CSMD1: variants seen among roughly 807,000 people sequenced by gnomAD.
CSMD1 encodes CUB and sushi domain-containing protein 1.
CSMD1 carries 213 observed loss-of-function variants against 417.5 expected under a neutral mutation model. The ratio of observed to expected loss-of-function variants is 0.51; its 90% CI spans 0.46 to 0.57. The LOEUF is 0.57. Among genes scored for constraint, CSMD1 ranks in the 20% least tolerant of loss-of-function variants. CSMD1 has a pLI of 0.00. For synonymous variants in CSMD1, 2,862 were observed against 1,736.8 expected (o/e 1.65, Z -16.11); for missense variants, 6,923 against 4,529.7 (o/e 1.53, Z -15.17).
intron 1 of CSMD1, among the ~76,000 whole-genome samples, chr8:4,809,548 T>C (rs1798779408): frequency 6.6e-6 from 1 of 152,170 alleles, no homozygotes; most frequent in Non-Finnish European, 1.5e-5. Context: ...GGCCTTAGGT[T>C]TAAAAGCCTA....
chr8:3,807,068 C>G (rs1006739854), intron 5 of CSMD1, among the ~76,000 whole-genome samples: 17 of 152,070 alleles, frequency 1.1e-4, no homozygotes, highest in Non-Finnish European at 5.9e-5. Flanking sequence ...TTAATTATTA[C>G]TATCCATGGC....
intron 3 of CSMD1, among the ~76,000 whole-genome samples, chr8:4,143,747 G>GA (rs1372036221): frequency 2.7e-5 from 4 of 150,874 alleles, no homozygotes; most frequent in Admixed American, 6.6e-5. Context: ...TGAAAGGGGG[G>GA]ATTTATTAAA....
intron 1 of CSMD1, among the ~76,000 whole-genome samples, chr8:4,653,506 C>A (rs988654640): frequency 6.6e-6 from 1 of 152,096 alleles, no homozygotes; most frequent in Non-Finnish European, 1.5e-5. Context: ...AGACACCAGA[C>A]TTTCTAAAAT....
chr8:4,260,662 T>C lies in CSMD1; in HGVS notation c.415+159291A>G, dbSNP rs1803815166. On this transcript the variant is annotated intron_variant, in intron 3 of 69. Transcript: ENST00000635120. ...GTCCTTGTAATTGATTTTCATATAATTTCAGTTTTTGCGAGAGGTTAATCC... is the reference window on the plus strand; with the variant it reads ...GTCCTTGTAATTGATTTTCATATAACTTCAGTTTTTGCGAGAGGTTAATCC... Among the ~76,000 whole-genome samples the C allele has an allele frequency of 3.3e-5, 5 of 152,302 alleles. 1 individual carries two copies. The South Asian group carries it at 8.3e-4, about 25-fold the overall frequency.
chr8:4,985,476 G>A (rs1584953781), intron 1 of CSMD1, among the ~76,000 whole-genome samples: 1 of 152,216 alleles, frequency 6.6e-6, no homozygotes, highest in South Asian at 2.1e-4. Context: ...AATTCTTTAG[G>A]TGAGCAAAAT....
At chr8:3,701,125 G>T (rs1465133090) in intron 7 of CSMD1, among the ~76,000 whole-genome samples, 7 of 152,042 alleles carry the variant, frequency 4.6e-5, no homozygotes, top group Non-Finnish European at 8.8e-5. Context: ...TCTGTGAGAG[G>T]TAAGAGGGAG....
chr8:3,898,956 A>T (rs1285868788), intron 5 of CSMD1, among the ~76,000 whole-genome samples: 1 of 152,190 alleles, frequency 6.6e-6, no homozygotes, highest in Non-Finnish European at 1.5e-5. Flanking sequence ...TATGGGAAAA[A>T]TAAAAAACAA....
chr8:4,921,012 AAAAGAAAGAAAGG>A (rs1806454210), intron 1 of CSMD1, among the ~76,000 whole-genome samples: 2 of 9,980 alleles, frequency 2.0e-4, no homozygotes, highest in African/African-American at 8.2e-4. Flanking sequence ...AGAAAGAAAG[AAAAGAAAGAAAGG>A]AAGAAAGAAA....
intron 15 of CSMD1, among the ~76,000 whole-genome samples, chr8:3,400,868 C>A (rs1277252845): frequency 6.6e-6 from 1 of 151,162 alleles, no homozygotes; most frequent in East Asian, 1.9e-4. Context: ...ATGCATTATT[C>A]TGTAGTTTAA....
chr8:3,414,421 G>C (rs1813002466), intron 12 of CSMD1, among the ~76,000 whole-genome samples: 1 of 151,970 alleles, frequency 6.6e-6, no homozygotes, highest in African/African-American at 2.4e-5. Context: ...TGTTGCTCTA[G>C]CTATATTCCC....
chr8:4,546,464 G>A (rs1354897165), intron 2 of CSMD1, among the ~76,000 whole-genome samples: 6 of 152,100 alleles, frequency 3.9e-5, no homozygotes, highest in African/African-American at 1.4e-4. Context: ...CACGGGCACC[G>A]ACCAACCCAT....
At chr8:4,045,807 T>A (rs1645016298) in intron 3 of CSMD1, among the ~76,000 whole-genome samples, 1 of 152,188 alleles carries the variant, frequency 6.6e-6, no homozygotes, top group African/African-American at 2.4e-5. Flanking sequence ...TTGTGAGACA[T>A]GGCTTCTCAG....
At chr8:3,111,472 A>T (rs1274539449) in intron 42 of CSMD1, among the ~76,000 whole-genome samples, 1 of 152,088 alleles carries the variant, frequency 6.6e-6, no homozygotes, top group Non-Finnish European at 1.5e-5. Context: ...TATCCCTGGG[A>T]GCCTCCACTT....
At chr8:3,250,355 A>T (rs1022657297) in intron 26 of CSMD1, among the ~76,000 whole-genome samples, 5 of 152,198 alleles carry the variant, frequency 3.3e-5, no homozygotes, top group Non-Finnish European at 4.4e-5. Context: ...GATGGTTTCC[A>T]GCTTCATCCC....
chr8:4,531,102 C>T (rs1372366030), intron 2 of CSMD1, among the ~76,000 whole-genome samples: 1 of 152,126 alleles, frequency 6.6e-6, no homozygotes, highest in African/African-American at 2.4e-5. Flanking sequence ...CTGGCTGAAT[C>T]ATCGCGAGTA....
At chr8:3,025,505 T>C (rs1308709666) in intron 51 of CSMD1, among the ~76,000 whole-genome samples, 3 of 152,250 alleles carry the variant, frequency 2.0e-5, no homozygotes, top group African/African-American at 7.2e-5. Flanking sequence ...TATTGTGTGG[T>C]GTTATTCCGA....
intron 3 of CSMD1, among the ~76,000 whole-genome samples, chr8:4,286,730 T>G (rs1252148495): frequency 6.6e-6 from 1 of 152,180 alleles, no homozygotes; most frequent in Non-Finnish European, 1.5e-5. Flanking sequence ...CACGGTAGAC[T>G]CCCCAGCATC....
intron 1 of CSMD1, among the ~76,000 whole-genome samples, chr8:4,948,198 T>G (rs1181222907): frequency 1.3e-5 from 2 of 152,086 alleles, no homozygotes; most frequent in African/African-American, 4.8e-5. Context: ...TTGCTACAGG[T>G]CATAATATAT....
At chr8:4,854,437 G>A (rs1023411285) in intron 1 of CSMD1, among the ~76,000 whole-genome samples, 13 of 152,240 alleles carry the variant, frequency 8.5e-5, no homozygotes, top group Middle Eastern at 3.4e-3. Flanking sequence ...GAACAGCTCC[G>A]GTCTACAGCT....
Sources: gnomAD v4.1 joint callset for allele counts (sites outside exome capture counted in the v4.1 genomes callset) on GRCh38, gnomAD v4.1.1 for gene constraint, MANE v1.5 for transcripts, NCBI Gene and HGNC (gene_info 2026-07-23, HGNC 2026-07-21) for gene names.